ANKRD28: variants seen among roughly 807,000 people sequenced by gnomAD.
ANKRD28 encodes the protein serine/threonine-protein phosphatase 6 regulatory ankyrin repeat subunit A.
A neutral mutation model predicts 126.5 loss-of-function variants in ANKRD28; 44 were observed. That is an observed-to-expected ratio of 0.35 (90% CI 0.27 to 0.45). The LOEUF (loss-of-function observed/expected upper bound fraction) is 0.45, where lower values mean the gene tolerates loss of function less well. Among genes scored for constraint, ANKRD28 ranks in the 20% least tolerant of loss-of-function variants. The pLI, the probability that ANKRD28 is intolerant of heterozygous loss-of-function variation, is 1.00. For missense variants in ANKRD28, 1,110 were observed against 1,316.6 expected (o/e 0.84, Z 2.43); for synonymous variants, 442 against 468.5 (o/e 0.94, Z 0.73).
chr3:15,752,546 CA>C (rs1401037093), intron 3 of ANKRD28, among the ~76,000 whole-genome samples: 2 of 152,048 alleles, frequency 1.3e-5, no homozygotes, highest in African/African-American at 4.8e-5. Context: ...AAATCCAAAT[CA>C]AATAAAAGCA....
chr3:15,793,352 G>A (rs1157541914), intron 2 of ANKRD28, among the ~76,000 whole-genome samples: 1 of 152,074 alleles, frequency 6.6e-6, no homozygotes, highest in Non-Finnish European at 1.5e-5. Context: ...GAGAGAAAAG[G>A]CCTAAAAGCA....
chr3:15,842,580 C>A (rs541204663), intron 1 of ANKRD28, among the ~76,000 whole-genome samples: 6 of 152,060 alleles, frequency 3.9e-5, no homozygotes, highest in Non-Finnish European at 8.8e-5. Flanking sequence ...AACAAAAGAG[C>A]ATAACTGGGT....
intron 14 of ANKRD28, among the ~76,000 whole-genome samples, chr3:15,699,135 T>C (rs2070152510): frequency 1.3e-5 from 2 of 152,108 alleles, no homozygotes; most frequent in South Asian, 2.1e-4. Context: ...AAACTAGCAA[T>C]GGGGAAAGGA....
intron 27 of ANKRD28, among the ~76,000 whole-genome samples, chr3:15,675,693 A>G (rs2066864249): frequency 6.6e-6 from 1 of 152,274 alleles, no homozygotes; most frequent in Non-Finnish European, 1.5e-5. Context: ...TTGCTGTAAC[A>G]GATGATATAG....
At position 15,686,741 on chromosome 3, in the gene ANKRD28, G is replaced by A. The variant is rs80014112; in HGVS notation, c.1964-432C>T. 3.1e-4 allele frequency among the ~76,000 whole-genome samples: 47 copies of A among 152,270 alleles called. 1 individual carries two copies. In the East Asian group the frequency reaches 4.4e-3, roughly 14 times the overall value. ...AACCAGGTCTGACTACTGAGATGCCGATAAGTCTAGAGGCTGCTGGGAAAT... is the reference window on the plus strand; with the variant it reads ...AACCAGGTCTGACTACTGAGATGCCAATAAGTCTAGAGGCTGCTGGGAAAT... On this transcript the variant is annotated intron_variant, in intron 18 of 27. Coordinates refer to ENST00000683139, the MANE Select transcript of ANKRD28 (RefSeq NM_001349278.2).
chr3:15,736,888 A>G, intron 5 of ANKRD28, 145 bp downstream of exon 5: 2 of 791,362 alleles, frequency 2.5e-6, no homozygotes, highest in Non-Finnish European at 4.0e-6. Flanking sequence ...AAATTTGAGA[A>G]AGTTATAAAA....
chr3:15,689,958 G>A (rs897656563), intron 18 of ANKRD28, 61 bp downstream of exon 18: 9 of 1,392,444 alleles, frequency 6.5e-6, no homozygotes, highest in Middle Eastern at 1.9e-4. Context: ...TTATATATCA[G>A]AAATTGAAAA....
Position 15,737,200 on chromosome 3 carries a change from C to G in ANKRD28, c.385G>C (p.Asp129His). The G allele has an allele frequency of 6.2e-7, 1 of 1,613,938 alleles. No individual in the cohort carries two copies. Among genetic ancestry groups the G allele is most frequent in the South Asian group, 1.1e-5 (1 of 91,080 alleles). Residue 129 changes from aspartate (D) to histidine (H), a missense_variant, in exon 5 of 28, where the codon GAT becomes CAT. Coordinates refer to ENST00000683139, the MANE Select transcript of ANKRD28 (RefSeq NM_001349278.2). ...CAATTTTTGTCTCGAGCATTAACAT[C>G]TGCAGAATGCTTCAAAAGTACCTGA... is the stretch of plus-strand genomic sequence containing the variant. ...AVQVLLKHSADVNARDKNWQT... is the reference protein window; with the variant it reads ...AVQVLLKHSAHVNARDKNWQT...
At chr3:15,819,164 G>A (rs1439797639) in intron 1 of ANKRD28, among the ~76,000 whole-genome samples, 1 of 152,196 alleles carries the variant, frequency 6.6e-6, no homozygotes. Flanking sequence ...TGTAGTCCCA[G>A]CTACTTGGGA....
intron 1 of ANKRD28, 100 bp downstream of exon 1, chr3:15,796,305 T>G (rs778205002): frequency 2.6e-5 from 18 of 684,802 alleles, no homozygotes; most frequent in Non-Finnish European, 3.1e-5. Context: ...AATTTGGGTT[T>G]GTAAAGAAAC....
At chr3:15,785,052 C>T (rs2059710725) in intron 2 of ANKRD28, among the ~76,000 whole-genome samples, 1 of 152,066 alleles carries the variant, frequency 6.6e-6, no homozygotes, top group Non-Finnish European at 1.5e-5. Flanking sequence ...CTACCCATAA[C>T]CCACATCTCA....
intron 27 of ANKRD28, among the ~76,000 whole-genome samples, chr3:15,673,909 T>C (rs1415306521): frequency 6.6e-6 from 1 of 151,808 alleles, no homozygotes; most frequent in African/African-American, 2.4e-5. Context: ...TTAAGAACTA[T>C]GAGTGGGGCC....
At chr3:15,765,637 C>A (rs576154834) in intron 3 of ANKRD28, among the ~76,000 whole-genome samples, 1 of 151,970 alleles carries the variant, frequency 6.6e-6, no homozygotes, top group African/African-American at 2.4e-5. Flanking sequence ...GTCAGGAGAT[C>A]GAGATCATCC....
In ANKRD28 at chr3:15,737,069, A is replaced by T; in HGVS notation, c.516T>A (p.Thr172=). The stretch of plus-strand genomic sequence containing the variant: ...CACTGAAAGCTGCATGATGTAATGC[A>T]GTCCTCCCTGCTCGATCAGATACGT... The part of the protein sequence containing the change: ...NVNVSDRAGR[T]ALHHAAFSGH... The change falls in exon 5 of 28, where the codon ACT becomes ACA. Residue 172 remains threonine (T), a synonymous_variant. Coordinates refer to ENST00000683139, the MANE Select transcript of ANKRD28 (RefSeq NM_001349278.2). 6.2e-7 allele frequency: 1 copy of T among 1,614,032 alleles called. No homozygotes were observed. Among genetic ancestry groups the T allele is most frequent in the Non-Finnish European group, 8.5e-7 (1 of 1,179,882 alleles).
upstream of ANKRD28, among the ~76,000 whole-genome samples, chr3:15,799,599 A>G (rs2060416576): frequency 6.6e-6 from 1 of 152,138 alleles, no homozygotes; most frequent in Non-Finnish European, 1.5e-5. Flanking sequence ...AATATCTGAA[A>G]GTGAAACAAC....
At chr3:15,774,422 C>T (rs1212475320) in intron 2 of ANKRD28, among the ~76,000 whole-genome samples, 1 of 152,054 alleles carries the variant, frequency 6.6e-6, no homozygotes, top group Non-Finnish European at 1.5e-5. Context: ...ATAAGAAAAC[C>T]ACCCAACAAA....
intron 1 of ANKRD28, among the ~76,000 whole-genome samples, chr3:15,809,878 C>T (rs2060671832): frequency 6.6e-6 from 1 of 152,120 alleles, no homozygotes; most frequent in Non-Finnish European, 1.5e-5. Context: ...TCACATATAT[C>T]AATGTGCTTG....
chr3:15,677,558 C>T lies in ANKRD28; in HGVS notation c.2712G>A (p.Met904Ile). 1 of 1,609,456 alleles carries T rather than the reference C, an allele frequency of 6.2e-7. No homozygotes were observed. The highest frequency in any genetic ancestry group is 8.5e-7 in the Non-Finnish European group (1 of 1,176,804). The change falls in exon 25 of 28, where the codon ATG becomes ATA. Residue 904 changes from methionine (M) to isoleucine (I), a missense_variant. Met to Ile is a conservative substitution (Grantham distance 10, BLOSUM62 1). Coordinates refer to ENST00000683139, the MANE Select transcript of ANKRD28 (RefSeq NM_001349278.2). ...GTTCTGCACTAGCACTGCTAACCAG[C>T]ATCTCTGGGAGGAAAAAGTGCATCA... ...AENGQTNTVE[M>I]LVSSASAELT...
intron 4 of ANKRD28, among the ~76,000 whole-genome samples, chr3:15,746,172 C>CA (rs2057462958): frequency 1.3e-5 from 2 of 152,288 alleles, no homozygotes; most frequent in South Asian, 4.1e-4. Context: ...AGTTTGACTT[C>CA]CTCTTTACTG....
Sources: allele counts gnomAD v4.1 joint callset (sites outside exome capture counted in the v4.1 genomes callset), GRCh38; gene constraint gnomAD v4.1.1; transcripts MANE v1.5; gene names NCBI Gene and HGNC (gene_info 2026-07-23, HGNC 2026-07-21).